IQCH: variants seen among roughly 807,000 people sequenced by gnomAD.
The protein encoded by IQCH is IQ domain-containing protein H.
Under a neutral mutation model 117.0 loss-of-function variants are expected in IQCH, and 98 were observed. The observed-to-expected ratio is 0.84, with a 90% CI of 0.71 to 0.99. IQCH has a LOEUF of 0.99. Ranked by LOEUF, IQCH falls within the 50% of genes least tolerant of loss-of-function variation. The pLI is 0.00. For missense variants in IQCH, 1,102 were observed against 1,243.8 expected (o/e 0.89, Z 1.72); for synonymous variants, 412 against 448.2 (o/e 0.92, Z 1.02).
Position 67,500,293 on chromosome 15 carries a change from TCTGA to T in IQCH, c.2971-337_2971-334del, listed in dbSNP as rs1247328410. On this transcript the variant is annotated intron_variant, in intron 20 of 20. Transcript: ENST00000335894. This position sits in a 1 kb window ranked among gnomAD's most constrained non-coding sequence, Gnocchi z 4.4. ...AACTATTTGTTTTGTTTTGATTTTA[TCTGA>T]CTATCATGGATCAACATTTTTAACA... 4.6e-5 allele frequency among the ~76,000 whole-genome samples: 7 copies of T among 152,166 alleles called. No homozygotes were observed. Among genetic ancestry groups the T allele is most frequent in the South Asian group, 2.1e-4 (1 of 4,828 alleles).
chr15:67,306,929 G>T, intron 4 of IQCH: 1 of 1,408,642 alleles, frequency 7.1e-7, no homozygotes, highest in Non-Finnish European at 9.3e-7. Flanking sequence ...AACACATTAA[G>T]AAATCTACAG....
intron 12 of IQCH, among the ~76,000 whole-genome samples, chr15:67,389,873 CA>C (rs578055176): frequency 0.023 from 999 of 44,260 alleles, 5 homozygotes; most frequent in East Asian, 0.1. Context: ...ATGATTTGAC[CA>C]AAAAAAAAAA....
chr15:67,385,390 T>C lies in IQCH; in HGVS notation c.1456+371T>C, dbSNP rs575666258. 6.6e-6 allele frequency among the ~76,000 whole-genome samples: 1 copy of C among 152,234 alleles called. No homozygotes were observed. Among genetic ancestry groups the C allele is most frequent in the East Asian group, 1.9e-4 (1 of 5,186 alleles). On this transcript the variant is annotated intron_variant, in intron 11 of 20. Transcript: ENST00000335894. This position sits in a 1 kb window ranked among gnomAD's most constrained non-coding sequence, Gnocchi z 4.6. ...TGTCTCTTATAGTATCTGGGGAATG[T>C]GTGAAAGGTGGTATCAGAAATGAAG...
At position 67,278,427 on chromosome 15, in the gene IQCH, G is replaced by T. The variant is rs1375955246; in HGVS notation, c.270-968G>T. ...GTCCACACTGAGCCTCGAGAAATTT[G>T]TCAATTAGAGCTGAAGCGTTCTTGT... On this transcript the variant is annotated intron_variant, in intron 3 of 20. Coordinates refer to ENST00000335894, the MANE Select transcript of IQCH (RefSeq NM_001031715.3). 2.0e-5 allele frequency among the ~76,000 whole-genome samples: 3 copies of T among 152,160 alleles called. No homozygotes were observed. In the East Asian group the frequency reaches 5.8e-4, roughly 29 times the overall value.
intron 3 of IQCH, among the ~76,000 whole-genome samples, chr15:67,272,475 T>C (rs898816545): frequency 3.3e-5 from 5 of 152,198 alleles, no homozygotes; most frequent in African/African-American, 1.2e-4. Context: ...CTGAAAGTTA[T>C]TGCTGATTTT....
In IQCH at chr15:67,467,382, G is replaced by T. The variant is rs2082962768; in HGVS notation, c.2676+2085G>T. Among the ~76,000 whole-genome samples, 1 of 152,126 alleles carries T rather than the reference G, an allele frequency of 6.6e-6. No individual in the cohort carries two copies. The highest frequency in any genetic ancestry group is 1.5e-5 in the Non-Finnish European group (1 of 68,022). On this transcript the variant is annotated intron_variant, in intron 17 of 20. Transcript: ENST00000335894. This position sits in a 1 kb window ranked among gnomAD's most constrained non-coding sequence, Gnocchi z 5.7. ...TCCATTTTCCCCATGTTGCCTATAGGTTTCATTCCTAGCTATAGGCAACAT... is the reference window on the plus strand; with the variant it reads ...TCCATTTTCCCCATGTTGCCTATAGTTTTCATTCCTAGCTATAGGCAACAT...
intron 6 of IQCH, among the ~76,000 whole-genome samples, chr15:67,357,003 T>G (rs973074913): frequency 1.3e-5 from 2 of 152,234 alleles, no homozygotes; most frequent in African/African-American, 2.4e-5. Flanking sequence ...TCTGGCTATT[T>G]AAAGAAATCT....
intron 3 of IQCH, among the ~76,000 whole-genome samples, chr15:67,266,809 C>A (rs137992870): frequency 1.3e-5 from 2 of 152,114 alleles, no homozygotes; most frequent in African/African-American, 4.8e-5. Context: ...TGGATTGGAT[C>A]ATCATCATTT....
Position 67,371,626 on chromosome 15 carries a change from A to T in IQCH, c.754-485A>T, listed in dbSNP as rs762659086. 7.8e-6 allele frequency: 6 copies of T among 773,296 alleles called. No individual in the cohort carries two copies. The South Asian group carries it at 1.1e-4, about 15-fold the overall frequency. 47.9% of individuals were successfully genotyped at this position (773,296 alleles called of 1,614,324 possible). On this transcript the variant is annotated intron_variant, in intron 8 of 20. Coordinates refer to ENST00000335894, the MANE Select transcript of IQCH (RefSeq NM_001031715.3). ...AACTATAAAATGCTAAAAAGTGATG[A>T]TCTTTTATGAAGTCAGAAACAATTT...
chr15:67,263,926 T>A (rs1965562260), intron 3 of IQCH, among the ~76,000 whole-genome samples: 1 of 151,936 alleles, frequency 6.6e-6, no homozygotes, highest in African/African-American at 2.4e-5. Context: ...GAGTGTAGAT[T>A]AAGCTTTTGT....
At chr15:67,297,985 A>G (rs1183959618) in intron 4 of IQCH, among the ~76,000 whole-genome samples, 2 of 151,778 alleles carry the variant, frequency 1.3e-5, no homozygotes, top group East Asian at 3.9e-4. Context: ...CTACTCTAGG[A>G]AAAAAAAATT....
chr15:67,428,661 C>T (rs2140936610), intron 16 of IQCH, among the ~76,000 whole-genome samples: 1 of 152,036 alleles, frequency 6.6e-6, no homozygotes, highest in African/African-American at 2.4e-5. Flanking sequence ...CAAGCCTGAC[C>T]AATATGGTGA....
intron 6 of IQCH, among the ~76,000 whole-genome samples, chr15:67,355,659 T>C (rs1245069170): frequency 6.6e-6 from 1 of 152,186 alleles, no homozygotes. Context: ...CAAGGATTTT[T>C]TCCTCTCCAT....
At chr15:67,324,045 G>A (rs1222724706) in intron 4 of IQCH, among the ~76,000 whole-genome samples, 4 of 149,272 alleles carry the variant, frequency 2.7e-5, no homozygotes, top group Non-Finnish European at 4.4e-5. Context: ...CCGGGCTCAA[G>A]TGGTTCTCCT....
chr15:67,464,733 C>T (rs1302216181), intron 16 of IQCH, among the ~76,000 whole-genome samples: 1 of 152,188 alleles, frequency 6.6e-6, no homozygotes, highest in Non-Finnish European at 1.5e-5. Flanking sequence ...ACTCTTTTCC[C>T]GTCTTTCTGC....
intron 8 of IQCH, among the ~76,000 whole-genome samples, chr15:67,368,645 G>A (rs1004185592): frequency 1.1e-4 from 16 of 152,114 alleles, no homozygotes; most frequent in Admixed American, 9.2e-4. Flanking sequence ...AGTTTCAGAA[G>A]GAATTTAGTC....
rs535391639 is a variant in IQCH at position 67,483,526 on chromosome 15, TAAAG to T, written c.2800-6466_2800-6463del. Among the ~76,000 whole-genome samples, 1,053 of 152,204 alleles carry T rather than the reference TAAAG, an allele frequency of 6.9e-3. 44 individuals carry two copies. Among genetic ancestry groups the T allele is most frequent in the Admixed American group, 0.059 (899 of 15,286 alleles). Reference sequence around the variant, plus strand: ...AGCAAGACTCCATCTCTAAAAAAATTAAAGAAAGAAAGAACAGAAGCATCTAAGG... The same window carrying T: ...AGCAAGACTCCATCTCTAAAAAAATTAAAGAAAGAACAGAAGCATCTAAGG... On this transcript the variant is annotated intron_variant, in intron 18 of 20. Coordinates refer to ENST00000335894, the MANE Select transcript of IQCH (RefSeq NM_001031715.3).
At chr15:67,360,822 A>G (rs1475965663) in intron 8 of IQCH, among the ~76,000 whole-genome samples, 1 of 152,226 alleles carries the variant, frequency 6.6e-6, no homozygotes, top group African/African-American at 2.4e-5. Context: ...CAATGATTAC[A>G]TACAGTCCCT....
At chr15:67,293,818 GAAAGACCCT>G (rs1966834145) in intron 4 of IQCH, among the ~76,000 whole-genome samples, 1 of 152,160 alleles carries the variant, frequency 6.6e-6, no homozygotes. Context: ...CTAGACAGAA[GAAAGACCCT>G]AAATTATGAG....
Sources: allele counts gnomAD v4.1 joint callset (sites outside exome capture counted in the v4.1 genomes callset), GRCh38; gene constraint gnomAD v4.1.1; non-coding constraint Gnocchi (gnomAD v3.1); transcripts MANE v1.5; gene names NCBI Gene and HGNC (gene_info 2026-07-23, HGNC 2026-07-21).